RORA: variants seen among roughly 807,000 people sequenced by gnomAD.
RORA encodes the protein nuclear receptor ROR-alpha.
A neutral mutation model predicts 69.5 loss-of-function variants in RORA; 7 were observed. The observed-to-expected ratio is 0.10, with a 90% confidence interval of 0.06 to 0.19. RORA has a LOEUF of 0.19. Ranked by LOEUF, RORA falls within the 10% of genes least tolerant of loss-of-function variation. The pLI, the probability that RORA is intolerant of heterozygous loss-of-function variation, is 1.00. For missense variants in RORA, 457 were observed against 663.0 expected, an observed-to-expected ratio of 0.69 and a Z score of 3.41; for synonymous variants, 261 against 240.8, an observed-to-expected ratio of 1.08 and a Z score of -0.78.
chr15:60,504,722 T>C (rs181942604), intron 6 of RORA, among the ~76,000 whole-genome samples: 3 of 152,324 alleles, frequency 2.0e-5, no homozygotes, highest in Admixed American at 6.5e-5. Flanking sequence ...AAGCAATGTG[T>C]TGCTATTCCC....
chr15:60,809,309 T>C (rs1359094962), intron 1 of RORA, among the ~76,000 whole-genome samples: 2 of 152,210 alleles, frequency 1.3e-5, no homozygotes, highest in Non-Finnish European at 2.9e-5. Context: ...ACTACAACAA[T>C]TGACAGCAAT....
At position 61,154,578 on chromosome 15, in the gene RORA, T is replaced by C. The variant is rs893070866; in HGVS notation, c.166+74475A>G. On this transcript the variant is annotated intron_variant, in intron 1 of 10. Coordinates refer to ENST00000335670, the MANE Select transcript of RORA (RefSeq NM_134261.3). Reference sequence around the variant, plus strand: ...TGTCATCCAGATGGGTCATGAGCCATTTGTTGCTAAGAGTAGTACAAATTT... The same window carrying C: ...TGTCATCCAGATGGGTCATGAGCCACTTGTTGCTAAGAGTAGTACAAATTT... Among the ~76,000 whole-genome samples, 13 of 152,312 alleles carry C rather than the reference T, an allele frequency of 8.5e-5. No individual in the cohort carries two copies. In the East Asian group the frequency reaches 2.3e-3, roughly 27 times the overall value.
intron 1 of RORA, among the ~76,000 whole-genome samples, chr15:60,806,952 A>G (rs2072667699): frequency 6.6e-6 from 1 of 152,194 alleles, no homozygotes. Context: ...CACAGCCAAC[A>G]TTATACTGAA....
intron 2 of RORA, among the ~76,000 whole-genome samples, chr15:60,662,652 T>TC (rs1245707378): frequency 1.3e-5 from 2 of 150,388 alleles, no homozygotes; most frequent in African/African-American, 2.5e-5. Context: ...AAAAAAACAT[T>TC]TTTTTTTCTT....
intron 1 of RORA, among the ~76,000 whole-genome samples, chr15:60,923,858 G>T (rs1304157766): frequency 6.6e-6 from 1 of 152,146 alleles, no homozygotes; most frequent in Admixed American, 6.5e-5. Flanking sequence ...TGCTAGCTGT[G>T]GTTCTGCTAA....
chr15:61,127,533 C>T (rs927824908), intron 1 of RORA, among the ~76,000 whole-genome samples: 1 of 152,144 alleles, frequency 6.6e-6, no homozygotes, highest in Admixed American at 6.5e-5. Flanking sequence ...CAGTCACATC[C>T]CCTCTACCCA....
chr15:60,751,547 T>C (rs1189943733), intron 1 of RORA, among the ~76,000 whole-genome samples: 2 of 152,184 alleles, frequency 1.3e-5, no homozygotes, highest in Non-Finnish European at 2.9e-5. Flanking sequence ...TTACAAATGA[T>C]GTTGAGGTGT....
At chr15:60,758,703 C>CA (rs989856368) in intron 1 of RORA, among the ~76,000 whole-genome samples, 1 of 152,110 alleles carries the variant, frequency 6.6e-6, no homozygotes, top group African/African-American at 2.4e-5. Flanking sequence ...CATTTTTTCC[C>CA]TGCCATCGGT....
intron 1 of RORA, among the ~76,000 whole-genome samples, chr15:61,072,548 C>T (rs2140611875): frequency 6.6e-6 from 1 of 152,292 alleles, no homozygotes; most frequent in Admixed American, 6.5e-5. Flanking sequence ...AAAGGCCTAC[C>T]ATTTAACAAC....
intron 2 of RORA, among the ~76,000 whole-genome samples, chr15:60,536,250 T>C (rs1407073360): frequency 6.6e-6 from 1 of 152,264 alleles, no homozygotes; most frequent in Non-Finnish European, 1.5e-5. Flanking sequence ...GAGCATTTTA[T>C]ATATGTATTC....
intron 1 of RORA, among the ~76,000 whole-genome samples, chr15:60,802,642 G>A (rs1201600684): frequency 6.6e-6 from 1 of 152,142 alleles, no homozygotes; most frequent in African/African-American, 2.4e-5. Flanking sequence ...GTGTGTATGT[G>A]CATGTCACGA....
intron 1 of RORA, among the ~76,000 whole-genome samples, chr15:61,029,427 G>A (rs185096968): frequency 1.3e-5 from 2 of 152,272 alleles, no homozygotes; most frequent in East Asian, 3.9e-4. Flanking sequence ...GCAATGGGTG[G>A]CACTGGAGGG....
chr15:60,783,720 G>A (rs1269010700), intron 1 of RORA, among the ~76,000 whole-genome samples: 1 of 152,104 alleles, frequency 6.6e-6, no homozygotes, highest in African/African-American at 2.4e-5. Flanking sequence ...CTAAAATGGG[G>A]CCCCACTCTC....
At chr15:61,188,308 G>A (rs2079763948) in intron 1 of RORA, among the ~76,000 whole-genome samples, 1 of 152,186 alleles carries the variant, frequency 6.6e-6, no homozygotes, top group Admixed American at 6.5e-5. Context: ...CCCAGGCAAT[G>A]TGTCAACAAG....
chr15:60,838,057 C>T (rs2073142442), intron 1 of RORA, among the ~76,000 whole-genome samples: 1 of 152,164 alleles, frequency 6.6e-6, no homozygotes, highest in Non-Finnish European at 1.5e-5. Context: ...TCCTTCAAGG[C>T]TTGGCTTCCA....
chr15:60,647,736 A>G (rs2070074202), intron 2 of RORA, among the ~76,000 whole-genome samples: 1 of 152,258 alleles, frequency 6.6e-6, no homozygotes, highest in Non-Finnish European at 1.5e-5. Context: ...ACTGAAAAAC[A>G]TCATATAAGG....
chr15:60,761,922 A>G (rs2071899844), intron 1 of RORA, among the ~76,000 whole-genome samples: 1 of 152,032 alleles, frequency 6.6e-6, no homozygotes, highest in African/African-American at 2.4e-5. Flanking sequence ...TGCAAACTAC[A>G]GTAGTTGGTA....
intron 3 of RORA, among the ~76,000 whole-genome samples, chr15:60,517,593 G>A (rs1229598449): frequency 6.6e-6 from 1 of 152,178 alleles, no homozygotes; most frequent in Non-Finnish European, 1.5e-5. Context: ...CACAGAGGCA[G>A]ATAATCCTTA....
At chr15:60,951,021 T>C (rs1362852912) in intron 1 of RORA, among the ~76,000 whole-genome samples, 4 of 150,818 alleles carry the variant, frequency 2.7e-5, no homozygotes, top group Admixed American at 6.6e-5. Context: ...TATTCCAAAA[T>C]TGACCACACA....
Sources: allele counts gnomAD v4.1 joint callset (sites outside exome capture counted in the v4.1 genomes callset), GRCh38; gene constraint gnomAD v4.1.1; transcripts MANE v1.5; gene names NCBI Gene and HGNC (gene_info 2026-07-23, HGNC 2026-07-21).